The following UCK2 variants were observed in gnomAD, a reference collection of about 807,000 sequenced individuals.
UCK2 encodes cytidine monophosphokinase 2.
A neutral mutation model predicts 30.8 loss-of-function variants in UCK2; 6 were observed. The ratio of observed to expected loss-of-function variants is 0.19; its 90% CI spans 0.11 to 0.38. UCK2 has a LOEUF of 0.38. UCK2 is among the 10% of genes least tolerant of loss of function. The pLI is 1.00. For missense variants in UCK2, 210 were observed against 339.8 expected, an observed-to-expected ratio of 0.62 and a Z score of 3.00; for synonymous variants, 125 against 133.6, an observed-to-expected ratio of 0.94 and a Z score of 0.45.
At chr1:165,871,021 G>T (rs1292308542) in intron 1 of UCK2, among the ~76,000 whole-genome samples, 3 of 152,118 alleles carry the variant, frequency 2.0e-5, no homozygotes, top group Non-Finnish European at 4.4e-5. Context: ...CACCATGTTG[G>T]CCAGGCTGGT....
chr1:165,907,292 G>A (rs1647696671), intron 6 of UCK2, among the ~76,000 whole-genome samples: 1 of 152,074 alleles, frequency 6.6e-6, no homozygotes, highest in Non-Finnish European at 1.5e-5. Flanking sequence ...TCTGTCTTAG[G>A]ATGGAAAACT....
chr1:165,896,976 A>C lies in UCK2; in HGVS notation c.499+644A>C, dbSNP rs114275111. Among the ~76,000 whole-genome samples the C allele has an allele frequency of 3.4e-3, 519 of 152,334 alleles. 4 individuals are homozygous for C. Among genetic ancestry groups the C allele is most frequent in the African/African-American group, 0.012 (486 of 41,586 alleles). On this transcript the variant is annotated intron_variant, in intron 4 of 6. Transcript: ENST00000367879. ...AACTGAGCTCTACAGGGTATTCAGC[A>C]GAGAGTTCGCTTCCACCAGGAGAGA...
chr1:165,894,696 C>T (rs1042035236), intron 3 of UCK2: 1 of 152,030 alleles, frequency 6.6e-6, no homozygotes, highest in Non-Finnish European at 1.5e-5. Context: ...CCCCGTTCTG[C>T]CACTTGCTAG....
intron 1 of UCK2, among the ~76,000 whole-genome samples, chr1:165,863,611 G>C (rs942049154): frequency 5.3e-5 from 8 of 152,198 alleles, no homozygotes; most frequent in Non-Finnish European, 1.2e-4. Context: ...GTAAAGAAGA[G>C]AACATTCTTT....
intron 1 of UCK2, among the ~76,000 whole-genome samples, chr1:165,868,828 C>T (rs1436799158): frequency 2.0e-5 from 3 of 152,182 alleles, no homozygotes. Flanking sequence ...TGAACTTTTC[C>T]TTTGCATTCA....
At chr1:165,888,726 A>AC (rs1413968371) in intron 1 of UCK2, among the ~76,000 whole-genome samples, 1 of 117,328 alleles carries the variant, frequency 8.5e-6, no homozygotes, top group African/African-American at 3.4e-5. Flanking sequence ...CAAGCAATCC[A>AC]CCCCCTTCAG....
intron 1 of UCK2, among the ~76,000 whole-genome samples, chr1:165,859,503 C>G (rs901883045): frequency 6.6e-6 from 1 of 152,144 alleles, no homozygotes; most frequent in Non-Finnish European, 1.5e-5. Flanking sequence ...CCCTGCATTT[C>G]AGACCTAAAT....
intron 4 of UCK2, among the ~76,000 whole-genome samples, chr1:165,902,305 A>G (rs1165378847): frequency 6.6e-6 from 1 of 152,080 alleles, no homozygotes; most frequent in Non-Finnish European, 1.5e-5. Flanking sequence ...CTACTTGGGA[A>G]GTTGAGGTGG....
chr1:165,903,117 A>G (rs1326763189), intron 4 of UCK2, 65 bp from the exon 5 acceptor site: 1 of 1,302,564 alleles, frequency 7.7e-7, no homozygotes, highest in Non-Finnish European at 1.1e-6. Context: ...GGTCCACCCC[A>G]TGAAGGGCGG....
intron 4 of UCK2, among the ~76,000 whole-genome samples, chr1:165,897,429 TAGC>T (rs1349347522): frequency 6.6e-6 from 1 of 151,696 alleles, no homozygotes; most frequent in Non-Finnish European, 1.5e-5. Context: ...AGAAGAGTAT[TAGC>T]AGAGTTAGAA....
At chr1:165,869,203 A>G (rs1163866797) in intron 1 of UCK2, among the ~76,000 whole-genome samples, 1 of 152,236 alleles carries the variant, frequency 6.6e-6, no homozygotes, top group African/African-American at 2.4e-5. Flanking sequence ...ACAGATCACC[A>G]TAACATATAA....
At chr1:165,861,317 A>G (rs1293556923) in intron 1 of UCK2, among the ~76,000 whole-genome samples, 1 of 152,170 alleles carries the variant, frequency 6.6e-6, no homozygotes, top group South Asian at 2.1e-4. Flanking sequence ...AACTTTTCAT[A>G]TAATTTGTAT....
chr1:165,901,947 CAAAAAAA>C (rs35032034), intron 4 of UCK2, among the ~76,000 whole-genome samples: 1 of 109,156 alleles, frequency 9.2e-6, no homozygotes, highest in Admixed American at 1.0e-4. Flanking sequence ...CCGTGTCTAC[CAAAAAAA>C]AAAAAAAAAA....
intron 3 of UCK2, chr1:165,895,656 T>C (rs1448339224): frequency 1.3e-5 from 13 of 985,720 alleles, no homozygotes; most frequent in Non-Finnish European, 1.6e-5. Context: ...GTATCCTCTT[T>C]CCCAAAACTT....
At position 165,864,723 on chromosome 1, in the gene UCK2, A is replaced by G. The variant is rs915860768; in HGVS notation, c.100-25481A>G. The stretch of plus-strand genomic sequence containing the variant: ...GAGACACAGTCTTACTCTTTCACTC[A>G]GGCTGGAGTTCATTGGCATGATCAT... On this transcript the variant is annotated intron_variant, in intron 1 of 6. Transcript: ENST00000367879. Among the ~76,000 whole-genome samples, 11 of 152,218 alleles carry G rather than the reference A, an allele frequency of 7.2e-5. 1 individual carries two copies. In the South Asian group the frequency reaches 2.1e-3, roughly 29 times the overall value.
intron 1 of UCK2, among the ~76,000 whole-genome samples, chr1:165,868,860 A>AT (rs1361270591): frequency 1.3e-5 from 2 of 152,226 alleles, no homozygotes; most frequent in Non-Finnish European, 2.9e-5. Flanking sequence ...ACTCCTTGGC[A>AT]TAAGAGGCCT....
intron 1 of UCK2, among the ~76,000 whole-genome samples, chr1:165,849,164 G>A (rs773720904): frequency 2.0e-5 from 3 of 152,138 alleles, no homozygotes; most frequent in Non-Finnish European, 4.4e-5. Flanking sequence ...TCTAATAATT[G>A]GAATGTCAGT....
chr1:165,852,630 G>A (rs1654626459), intron 1 of UCK2, among the ~76,000 whole-genome samples: 1 of 152,228 alleles, frequency 6.6e-6, no homozygotes, highest in Non-Finnish European at 1.5e-5. Context: ...ATGTAAATTA[G>A]TGCTTATGGT....
chr1:165,867,733 A>G (rs1294429603), intron 1 of UCK2, among the ~76,000 whole-genome samples: 1 of 152,208 alleles, frequency 6.6e-6, no homozygotes, highest in Non-Finnish European at 1.5e-5. Context: ...TGTTTCCACT[A>G]CATCTGCAGT....
Sources: gnomAD v4.1 joint callset for allele counts (sites outside exome capture counted in the v4.1 genomes callset) on GRCh38, gnomAD v4.1.1 for gene constraint, MANE v1.5 for transcripts, NCBI Gene and HGNC (gene_info 2026-07-23, HGNC 2026-07-21) for gene names.